ADAMTS18: variants seen among roughly 807,000 people sequenced by gnomAD.
ADAMTS18 encodes the protein A disintegrin and metalloproteinase with thrombospondin motifs 18.
A neutral mutation model predicts 165.9 loss-of-function variants in ADAMTS18; 157 were observed. The observed-to-expected ratio is 0.95, with a 90% CI of 0.83 to 1.08. The LOEUF (loss-of-function observed/expected upper bound fraction) is 1.08. Among genes scored for constraint, ADAMTS18 ranks in the 50% least tolerant of loss-of-function variants. ADAMTS18 has a pLI of 0.00. For synonymous variants in ADAMTS18, 782 were observed against 578.2 expected, an observed-to-expected ratio of 1.35 and a Z score of -5.06; for missense variants, 2,040 against 1,534.0, an observed-to-expected ratio of 1.33 and a Z score of -5.51.
rs116412746 is a variant in ADAMTS18 at position 77,350,432 on chromosome 16, G to A, written c.1614+3301C>T. On this transcript the variant is annotated intron_variant, in intron 10 of 22. Coordinates refer to ENST00000282849, the MANE Select transcript of ADAMTS18 (RefSeq NM_199355.4). ...ATAAGGAAGAGAGTTAGAAGAAACC[G>A]TATTGTTTATCAAGTGATGCGACTG... is the stretch of plus-strand genomic sequence containing the variant. Among the ~76,000 whole-genome samples, 251 of 152,202 alleles carry A rather than the reference G, an allele frequency of 1.6e-3. 2 individuals are homozygous for A. Among genetic ancestry groups the A allele is most frequent in the African/African-American group, 5.8e-3 (240 of 41,540 alleles).
rs758882373 is a variant in ADAMTS18, at chr16:77,297,371, G to A, written c.2719C>T (p.Gln907Ter). The A allele has an allele frequency of 1.2e-6, 2 of 1,613,598 alleles. No individual in the cohort carries two copies. Among genetic ancestry groups the A allele is most frequent in the Non-Finnish European group, 1.7e-6 (2 of 1,179,534 alleles). The change falls in exon 18 of 23, where the codon CAA becomes TAA. Residue 907 changes from glutamine to a stop codon, truncating the protein, a stop_gained. Coordinates refer to ENST00000282849, the MANE Select transcript of ADAMTS18 (RefSeq NM_199355.4). LOFTEE classifies it high-confidence loss of function. ...KAICLRDQNT[Q>*]VNSSFCSAKT... ...GCACTGCAGAATGAGGAATTGACTT[G>A]AGTATTTTGATCTCGCAAGCAAATG...
intron 3 of ADAMTS18, among the ~76,000 whole-genome samples, chr16:77,416,660 A>G (rs982139703): frequency 7.2e-5 from 11 of 152,274 alleles, no homozygotes; most frequent in African/African-American, 2.6e-4. Context: ...TTTCCTTTAT[A>G]AATTACCCAG....
chr16:77,408,480 T>C (rs552295531), intron 3 of ADAMTS18, among the ~76,000 whole-genome samples: 1 of 152,084 alleles, frequency 6.6e-6, no homozygotes, highest in Non-Finnish European at 1.5e-5. Context: ...AATAGATAAA[T>C]AGTGGTTTAT....
intron 17 of ADAMTS18, among the ~76,000 whole-genome samples, chr16:77,297,916 C>CTTTTTTTTTT (rs34422251): frequency 9.8e-5 from 6 of 61,534 alleles, no homozygotes; most frequent in Non-Finnish European, 1.7e-4. Context: ...TCTGCTTTTG[C>CTTTTTTTTTT]TTTTTTTTTT....
chr16:77,423,470 C>T (rs534917225), intron 3 of ADAMTS18, among the ~76,000 whole-genome samples: 4 of 152,196 alleles, frequency 2.6e-5, no homozygotes, highest in African/African-American at 7.2e-5. Context: ...GTAATAATAT[C>T]ATTCTAACTA....
chr16:77,423,448 G>C (rs2057630123), intron 3 of ADAMTS18, among the ~76,000 whole-genome samples: 1 of 151,956 alleles, frequency 6.6e-6, no homozygotes, highest in African/African-American at 2.4e-5. Flanking sequence ...CATCGGTTTT[G>C]ATAATGATAT....
intron 22 of ADAMTS18, among the ~76,000 whole-genome samples, chr16:77,284,694 G>A (rs2055214673): frequency 6.6e-6 from 1 of 152,128 alleles, no homozygotes; most frequent in Non-Finnish European, 1.5e-5. Flanking sequence ...TCCCTATGTA[G>A]CCTGGGAGCT....
chr16:77,363,562 A>G (rs1232327221), intron 6 of ADAMTS18, among the ~76,000 whole-genome samples: 1 of 150,764 alleles, frequency 6.6e-6, no homozygotes, highest in Non-Finnish European at 1.5e-5. Context: ...GTACTTATGT[A>G]CCATTATTTA....
chr16:77,329,816 G>A (rs950913786), intron 12 of ADAMTS18, among the ~76,000 whole-genome samples: 21 of 152,054 alleles, frequency 1.4e-4, no homozygotes, highest in Non-Finnish European at 2.8e-4. Flanking sequence ...GGTGTAAGAA[G>A]TTGTTTAATA....
intron 3 of ADAMTS18, among the ~76,000 whole-genome samples, chr16:77,414,567 G>A (rs2057505567): frequency 6.6e-6 from 1 of 151,988 alleles, no homozygotes; most frequent in African/African-American, 2.4e-5. Context: ...TATATCGGTT[G>A]ACTTGCATTA....
rs1366859577 is a variant in ADAMTS18, at chr16:77,314,778, A to ATATATATATATATATATATATATATATG, written c.2532+5070_2532+5071insCATATATATATATATATATATATATATA. Among the ~76,000 whole-genome samples the ATATATATATATATATATATATATATATG allele has an allele frequency of 2.6e-4, 22 of 85,504 alleles. 2 individuals carry two copies. Among genetic ancestry groups the ATATATATATATATATATATATATATATG allele is most frequent in the Non-Finnish European group, 3.2e-4 (13 of 41,100 alleles). The allele number at this position is 85,504 out of a possible 152,430, so 56.1% of individuals were successfully genotyped here. A position where few individuals can be genotyped will look rare whatever the true frequency, so the allele number is the denominator to read the frequency against. The stretch of plus-strand genomic sequence containing the variant: ...CATATATATATATATATATATATAT[A>ATATATATATATATATATATATATATATG]TATATATAAAATATATGTGATATGC... On this transcript the variant is annotated intron_variant, in intron 16 of 22. Coordinates refer to ENST00000282849, the MANE Select transcript of ADAMTS18 (RefSeq NM_199355.4).
intron 6 of ADAMTS18, among the ~76,000 whole-genome samples, chr16:77,362,692 A>ATCAG (rs1193122616): frequency 6.6e-6 from 1 of 152,078 alleles, no homozygotes; most frequent in Non-Finnish European, 1.5e-5. Context: ...CAATCAATCA[A>ATCAG]TCAATATAAT....
rs771255546 is a variant in ADAMTS18 at position 77,293,052 on chromosome 16, C to A, written c.3189+24G>T. On this transcript the variant is annotated intron_variant, in intron 20 of 22. Transcript: ENST00000282849. ...GCCAGGATGGTCTCAATCTCCTGAC[C>A]CAGCAGTGACTTCTAATCCATACCT... The A allele has an allele frequency of 3.1e-6, 5 of 1,613,678 alleles. No homozygotes were observed. The Admixed American group carries it at 5.0e-5, about 16-fold the overall frequency.
chr16:77,360,249 G>A (rs79143353), intron 7 of ADAMTS18, among the ~76,000 whole-genome samples: 2,675 of 152,258 alleles, frequency 0.018, 97 homozygotes, highest in African/African-American at 0.061. Flanking sequence ...CATCGTCATC[G>A]TCACTAAATA....
chr16:77,288,664 A>G (rs2055302792), intron 22 of ADAMTS18, among the ~76,000 whole-genome samples: 1 of 152,156 alleles, frequency 6.6e-6, no homozygotes, highest in Non-Finnish European at 1.5e-5. Flanking sequence ...AAACATGAAC[A>G]TCTTTATATA....
At chr16:77,355,771 T>G (rs2056620023) in intron 9 of ADAMTS18, among the ~76,000 whole-genome samples, 169 bp downstream of exon 9, 1 of 152,192 alleles carries the variant, frequency 6.6e-6, no homozygotes, top group African/African-American at 2.4e-5. Flanking sequence ...CTTCAATCTA[T>G]TTTTTTCAAC....
intron 16 of ADAMTS18, among the ~76,000 whole-genome samples, chr16:77,317,651 A>G (rs577352565): frequency 6.6e-6 from 1 of 152,296 alleles, no homozygotes; most frequent in African/African-American, 2.4e-5. Context: ...AAATCTAAGA[A>G]TCCATGAGGG....
intron 3 of ADAMTS18, among the ~76,000 whole-genome samples, chr16:77,414,440 C>T (rs956331984): frequency 3.9e-5 from 6 of 151,956 alleles, no homozygotes; most frequent in African/African-American, 4.8e-5. Context: ...TAATTTTTGC[C>T]GATTATTATT....
rs964465586 is a variant in ADAMTS18, at chr16:77,335,654, T to G, written c.1859+102A>C. The G allele has an allele frequency of 2.1e-6, 3 of 1,423,372 alleles. No homozygotes were observed. The Admixed American group carries it at 5.1e-5, about 24-fold the overall frequency. 88.2% of individuals were successfully genotyped at this position (1,423,372 alleles called of 1,614,324 possible). A position where few individuals can be genotyped will look rare whatever the true frequency, so the allele number is the denominator to read the frequency against. On this transcript the variant is annotated intron_variant, in intron 12 of 22. Transcript: ENST00000282849. ...ATAACCATTATGTAGCCATAATAATTAAAAATAAAAAAATAAACTTAAAGT... is the reference window on the plus strand; with the variant it reads ...ATAACCATTATGTAGCCATAATAATGAAAAATAAAAAAATAAACTTAAAGT...
Sources: allele counts gnomAD v4.1 joint callset (sites outside exome capture counted in the v4.1 genomes callset), GRCh38; gene constraint gnomAD v4.1.1; transcripts MANE v1.5; gene names NCBI Gene and HGNC (gene_info 2026-07-23, HGNC 2026-07-21).